Variants in MRPL1 observed in about 807,000 individuals in gnomAD.
MRPL1 encodes mitochondrial ribosomal protein L1.
Under a neutral mutation model 38.0 loss-of-function variants are expected in MRPL1, and 28 were observed. That is an observed-to-expected ratio of 0.74 (90% CI 0.55 to 1.01). MRPL1 has a LOEUF of 1.01. MRPL1 is among the 50% of genes least tolerant of loss of function. MRPL1 has a pLI of 0.00. For missense variants in MRPL1, 358 were observed against 389.8 expected (o/e 0.92, Z 0.69); for synonymous variants, 123 against 126.7 (o/e 0.97, Z 0.20).
intron 2 of MRPL1, among the ~76,000 whole-genome samples, chr4:77,873,663 T>C (rs1344439326): frequency 1.3e-5 from 2 of 152,222 alleles, no homozygotes; most frequent in African/African-American, 4.8e-5. Flanking sequence ...GGCCTGGCAC[T>C]GTGCAAAATG....
chr4:77,945,250 G>A (rs370040761), intron 7 of MRPL1, among the ~76,000 whole-genome samples: 23 of 151,446 alleles, frequency 1.5e-4, no homozygotes, highest in Non-Finnish European at 2.9e-4. Flanking sequence ...AGGAGTCATG[G>A]AAATTAAGAG....
intron 5 of MRPL1, among the ~76,000 whole-genome samples, chr4:77,890,018 C>T (rs1405651597): frequency 6.6e-6 from 1 of 152,114 alleles, no homozygotes; most frequent in East Asian, 1.9e-4. Context: ...AGTCCAGGAC[C>T]AGATGGATTC....
intron 5 of MRPL1, among the ~76,000 whole-genome samples, chr4:77,892,154 G>C (rs1735822928): frequency 1.3e-5 from 2 of 149,778 alleles, no homozygotes; most frequent in Non-Finnish European, 3.0e-5. Context: ...TTTTTGAGAT[G>C]GAGTTTCGCT....
intron 7 of MRPL1, among the ~76,000 whole-genome samples, chr4:77,938,143 A>C (rs1174576409): frequency 6.6e-6 from 1 of 152,246 alleles, no homozygotes; most frequent in East Asian, 1.9e-4. Context: ...TTTTGTAAAG[A>C]AAGTTTTGTT....
intron 6 of MRPL1, among the ~76,000 whole-genome samples, chr4:77,897,165 C>T (rs1340411200): frequency 6.6e-6 from 1 of 151,988 alleles, no homozygotes; most frequent in Non-Finnish European, 1.5e-5. Flanking sequence ...CTCCTGGGTT[C>T]AAGTGAATCT....
intron 7 of MRPL1, among the ~76,000 whole-genome samples, 179 bp from the exon 8 acceptor site, chr4:77,949,618 A>T (rs1195560731): frequency 3.3e-5 from 5 of 152,198 alleles, no homozygotes; most frequent in African/African-American, 4.8e-5. Flanking sequence ...TTAAATCTTG[A>T]CATGTGAAGA....
At chr4:77,867,675 C>G (rs1239531088) in intron 1 of MRPL1, among the ~76,000 whole-genome samples, 2 of 150,044 alleles carry the variant, frequency 1.3e-5, no homozygotes, top group African/African-American at 2.4e-5. Flanking sequence ...CATGAGCGAT[C>G]AACCCGCCTT....
intron 7 of MRPL1, among the ~76,000 whole-genome samples, chr4:77,916,835 A>G (rs1286921992): frequency 6.6e-6 from 1 of 152,192 alleles, no homozygotes; most frequent in African/African-American, 2.4e-5. Flanking sequence ...CCATAAGGTA[A>G]ATTTATAGAA....
intron 2 of MRPL1, among the ~76,000 whole-genome samples, chr4:77,876,047 A>C (rs965850263): frequency 6.6e-6 from 1 of 152,130 alleles, no homozygotes; most frequent in African/African-American, 2.4e-5. Flanking sequence ...ATCTCAGCTC[A>C]TTGTAGCCTC....
At chr4:77,935,954 T>C (rs2110262114) in intron 7 of MRPL1, among the ~76,000 whole-genome samples, 1 of 148,622 alleles carries the variant, frequency 6.7e-6, no homozygotes, top group South Asian at 2.1e-4. Flanking sequence ...AAAAGTAAAC[T>C]CTGTCTTGCA....
chr4:77,942,020 C>G (rs1737141623), intron 7 of MRPL1, among the ~76,000 whole-genome samples: 1 of 152,090 alleles, frequency 6.6e-6, no homozygotes, highest in Non-Finnish European at 1.5e-5. Context: ...AGGCTATGAA[C>G]TTTCCTCTTA....
intron 1 of MRPL1, among the ~76,000 whole-genome samples, chr4:77,867,275 G>A (rs1011236630): frequency 3.3e-5 from 5 of 152,266 alleles, no homozygotes; most frequent in South Asian, 2.1e-4. Context: ...TTTCATTGGC[G>A]TATTTGTTGA....
intron 8 of MRPL1, among the ~76,000 whole-genome samples, chr4:77,950,371 A>G (rs542238405): frequency 3.3e-5 from 5 of 152,320 alleles, no homozygotes; most frequent in Admixed American, 6.5e-5. Flanking sequence ...ACTCAACTCA[A>G]TTGAGATGTG....
chr4:77,897,922 G>A (rs1735955197), intron 6 of MRPL1, among the ~76,000 whole-genome samples: 2 of 152,154 alleles, frequency 1.3e-5, no homozygotes. Context: ...TTAATGATTA[G>A]GTACTGTTAC....
At chr4:77,917,035 GTGTACTTTTAACAGCTTAAAAATT>G (rs1736438617) in intron 7 of MRPL1, among the ~76,000 whole-genome samples, 3 of 152,150 alleles carry the variant, frequency 2.0e-5, no homozygotes, top group African/African-American at 7.2e-5. Context: ...GTGAGCACAT[GTGTACTTTTAACAGCTTAAAAATT>G]TCAGTGTGAA....
intron 2 of MRPL1, among the ~76,000 whole-genome samples, chr4:77,879,006 GGTTTA>G (rs1359386706): frequency 6.6e-6 from 1 of 152,144 alleles, no homozygotes; most frequent in Non-Finnish European, 1.5e-5. Context: ...TAATCTGTGT[GGTTTA>G]GTTACCCAGG....
At chr4:77,884,267 T>G (rs1417579067) in intron 3 of MRPL1, among the ~76,000 whole-genome samples, 2 of 151,954 alleles carry the variant, frequency 1.3e-5, no homozygotes, top group African/African-American at 4.8e-5. Flanking sequence ...AAAAGAGAAT[T>G]TGTCTCTCCT....
chr4:77,934,532 A>G (rs951078712), intron 7 of MRPL1, among the ~76,000 whole-genome samples: 4 of 152,356 alleles, frequency 2.6e-5, no homozygotes, highest in Admixed American at 2.6e-4. Flanking sequence ...TAAAAAAATA[A>G]AATAACAAGT....
At chr4:77,942,892 G>A (rs1393925733) in intron 7 of MRPL1, among the ~76,000 whole-genome samples, 1 of 152,166 alleles carries the variant, frequency 6.6e-6, no homozygotes, top group East Asian at 1.9e-4. Context: ...GTATTGAGAT[G>A]TGAGGTACTA....
Sources: gnomAD v4.1 joint callset for allele counts (sites outside exome capture counted in the v4.1 genomes callset) on GRCh38, gnomAD v4.1.1 for gene constraint, MANE v1.5 for transcripts, NCBI Gene and HGNC (gene_info 2026-07-23, HGNC 2026-07-21) for gene names.